The following AGL variants were observed in gnomAD, a reference collection of about 807,000 sequenced individuals.
AGL encodes glycogen debranching enzyme.
AGL carries 128 observed loss-of-function variants against 199.3 expected under a neutral mutation model. That is an observed-to-expected ratio of 0.64 (90% CI 0.56 to 0.74). AGL has a LOEUF of 0.74. AGL is among the 30% of genes least tolerant of loss of function. The pLI is 0.00. For synonymous variants in AGL, 584 were observed against 594.7 expected (o/e 0.98, Z 0.26); for missense variants, 1,809 against 1,820.8 (o/e 0.99, Z 0.12).
chr1:99,867,066 A>T (rs1650577708), intron 5 of AGL, among the ~76,000 whole-genome samples: 2 of 152,032 alleles, frequency 1.3e-5, no homozygotes, highest in Admixed American at 6.6e-5. Flanking sequence ...TGATCCGCCC[A>T]CCTTGGCCTC....
At chr1:99,897,888 A>G (rs1653458961) in intron 25 of AGL, among the ~76,000 whole-genome samples, 2 of 152,184 alleles carry the variant, frequency 1.3e-5, no homozygotes. Context: ...CATAAATGTT[A>G]GTTTTTATCA....
chr1:99,883,050 C>T (rs971908494), intron 17 of AGL, among the ~76,000 whole-genome samples: 1 of 151,998 alleles, frequency 6.6e-6, no homozygotes, highest in African/African-American at 2.4e-5. Flanking sequence ...AACATTTCCA[C>T]TTCAGTCCGC....
intron 7 of AGL, among the ~76,000 whole-genome samples, chr1:99,873,067 T>C (rs1482526800): frequency 6.6e-6 from 1 of 152,156 alleles, no homozygotes; most frequent in African/African-American, 2.4e-5. Flanking sequence ...AACTTTTCAA[T>C]CTCTGATGGC....
chr1:99,919,142 G>C (rs910410301), intron 33 of AGL, among the ~76,000 whole-genome samples: 2 of 152,136 alleles, frequency 1.3e-5, no homozygotes, highest in African/African-American at 4.8e-5. Context: ...TGGATTCTCA[G>C]TTCAACTCAA....
chr1:99,859,211 C>T (rs573224641), intron 2 of AGL, among the ~76,000 whole-genome samples: 80 of 152,246 alleles, frequency 5.3e-4, no homozygotes, highest in African/African-American at 1.8e-3. Context: ...GTTTATGCTT[C>T]TCAGTCACTA....
At chr1:99,868,004 A>G (rs1650675292) in intron 5 of AGL, among the ~76,000 whole-genome samples, 1 of 152,206 alleles carries the variant, frequency 6.6e-6, no homozygotes. Flanking sequence ...CTTATCTTAA[A>G]TAAATGTTTC....
intron 24 of AGL, among the ~76,000 whole-genome samples, chr1:99,893,807 T>C (rs1226109654): frequency 6.6e-6 from 1 of 152,160 alleles, no homozygotes; most frequent in East Asian, 1.9e-4. Flanking sequence ...TTGTAAAAAA[T>C]AGGACTGTAT....
At position 99,900,786 on chromosome 1, in the gene AGL, T is replaced by C; in HGVS notation, c.3513T>C (p.Gly1171=). 1 of 1,614,104 alleles carries C rather than the reference T, an allele frequency of 6.2e-7. No homozygotes were observed. The highest frequency in any genetic ancestry group is 1.3e-5 in the African/African-American group (1 of 75,022). ...IQDYCKMVPN[G]LDILKCPVSR... Reference sequence around the variant, plus strand: ...ATTACTGTAAAATGGTTCCAAATGGTCTAGACATTCTCAAGTGCCCAGTTT... The same window carrying C: ...ATTACTGTAAAATGGTTCCAAATGGCCTAGACATTCTCAAGTGCCCAGTTT... Residue 1171 remains glycine, a synonymous_variant, in exon 26 of 34, where the codon GGT becomes GGC. Coordinates refer to ENST00000361915, the MANE Select transcript of AGL (RefSeq NM_000642.3).
chr1:99,884,675 G>C lies in AGL; in HGVS notation c.2653G>C (p.Asp885His). 3 of 1,613,924 alleles carry C rather than the reference G, an allele frequency of 1.9e-6. No homozygotes were observed. The highest frequency in any genetic ancestry group is 2.5e-6 in the Non-Finnish European group (3 of 1,179,912). The change falls in exon 20 of 34, where the codon GAT becomes CAT. Residue 885 changes from aspartate to histidine, a missense_variant. By Grantham distance (81) the Asp-to-His change is moderately conservative. Coordinates refer to ENST00000361915, the MANE Select transcript of AGL (RefSeq NM_000642.3). ...KSGSLAVDNADPILKIPFASL... is the reference protein window; with the variant it reads ...KSGSLAVDNAHPILKIPFASL... ...TGGCAGCCTAGCTGTTGACAATGCA[G>C]ATCCTATATTAAAAATTCCTTTTGC...
intron 2 of AGL, among the ~76,000 whole-genome samples, chr1:99,855,072 G>A (rs902661418): frequency 6.6e-6 from 1 of 152,002 alleles, no homozygotes; most frequent in Non-Finnish European, 1.5e-5. Flanking sequence ...GTGCTGGCGG[G>A]TGCCTGTAAT....
At position 99,897,449 on chromosome 1, in the gene AGL, G is replaced by A. The variant is rs114017716; in HGVS notation, c.3362+1061G>A. On this transcript the variant is annotated intron_variant, in intron 25 of 33. Coordinates refer to ENST00000361915, the MANE Select transcript of AGL (RefSeq NM_000642.3). ...CATTTATACGATACCTTGTTTTGATGCCATCAGGAAAATAACTGAAGTTTG... is the reference window on the plus strand; with the variant it reads ...CATTTATACGATACCTTGTTTTGATACCATCAGGAAAATAACTGAAGTTTG... 4.3e-3 allele frequency among the ~76,000 whole-genome samples: 654 copies of A among 152,308 alleles called. 1 individual carries two copies. The highest frequency in any genetic ancestry group is 0.015 in the African/African-American group (617 of 41,560).
chr1:99,898,339 C>T (rs1653510858), intron 25 of AGL, among the ~76,000 whole-genome samples: 1 of 152,160 alleles, frequency 6.6e-6, no homozygotes, highest in Non-Finnish European at 1.5e-5. Flanking sequence ...AGCCACTGCG[C>T]CCTACCAGAA....
chr1:99,893,451 G>T (rs1176476315), intron 24 of AGL, among the ~76,000 whole-genome samples: 2 of 152,128 alleles, frequency 1.3e-5, no homozygotes, highest in Non-Finnish European at 2.9e-5. Flanking sequence ...TTGATCTCCT[G>T]GTACCCGTTG....
chr1:99,865,820 TAA>T (rs1210626022), intron 5 of AGL, among the ~76,000 whole-genome samples: 1 of 152,178 alleles, frequency 6.6e-6, no homozygotes, highest in Non-Finnish European at 1.5e-5. Flanking sequence ...TTCATCAATA[TAA>T]ATAAAAATCT....
chr1:99,909,088 T>C (rs895861411), intron 27 of AGL, among the ~76,000 whole-genome samples: 11 of 152,092 alleles, frequency 7.2e-5, no homozygotes, highest in Non-Finnish European at 1.6e-4. Context: ...GGGCACCCCA[T>C]CACTGCTGGG....
At chr1:99,858,918 A>G (rs1177200658) in intron 2 of AGL, among the ~76,000 whole-genome samples, 2 of 151,980 alleles carry the variant, frequency 1.3e-5, no homozygotes, top group Non-Finnish European at 2.9e-5. Flanking sequence ...CATCATACAT[A>G]TATATTATAT....
At chr1:99,862,997 T>C (rs1650187074) in intron 4 of AGL, among the ~76,000 whole-genome samples, 2 of 151,988 alleles carry the variant, frequency 1.3e-5, no homozygotes, top group South Asian at 2.1e-4. Flanking sequence ...TAGGCTGCAA[T>C]GGTGCGATCT....
intron 5 of AGL, among the ~76,000 whole-genome samples, chr1:99,867,672 C>T (rs1264861725): frequency 6.6e-6 from 1 of 151,926 alleles, no homozygotes; most frequent in African/African-American, 2.4e-5. Flanking sequence ...TCTTGTGCCT[C>T]AGCCTCCCGA....
At chr1:99,874,363 AAG>A (rs1651304839) in intron 7 of AGL, 1 of 155,016 alleles carries the variant, frequency 6.5e-6, no homozygotes, top group African/African-American at 2.4e-5. Flanking sequence ...AAAATAAAAA[AAG>A]AATAGAATAA....
Sources: allele counts gnomAD v4.1 joint callset (sites outside exome capture counted in the v4.1 genomes callset), GRCh38; gene constraint gnomAD v4.1.1; transcripts MANE v1.5; gene names NCBI Gene and HGNC (gene_info 2026-07-23, HGNC 2026-07-21).